Variants in OGFOD1 observed in about 807,000 individuals in gnomAD.
OGFOD1 encodes the protein prolyl 3-hydroxylase OGFOD1.
Under a neutral mutation model 67.7 loss-of-function variants are expected in OGFOD1, and 54 were observed. The ratio of observed to expected loss-of-function variants is 0.80; its 90% CI spans 0.64 to 1.00. The LOEUF (loss-of-function observed/expected upper bound fraction) is 1.00. Among genes scored for constraint, OGFOD1 ranks in the 50% least tolerant of loss-of-function variants. The pLI, the probability that OGFOD1 is intolerant of heterozygous loss-of-function variation, is 0.00. For missense variants in OGFOD1, 606 were observed against 646.7 expected, an observed-to-expected ratio of 0.94 and a Z score of 0.68; for synonymous variants, 221 against 227.0, an observed-to-expected ratio of 0.97 and a Z score of 0.24.
Position 56,456,048 on chromosome 16 carries a change from G to A in OGFOD1, c.301-2500G>A, listed in dbSNP as rs79197051. Among the ~76,000 whole-genome samples the A allele has an allele frequency of 1.2e-4, 18 of 152,216 alleles. No individual in the cohort carries two copies. In the East Asian group the frequency reaches 3.3e-3, roughly 28 times the overall value. The stretch of plus-strand genomic sequence containing the variant: ...GTAAGCCCATTTTAATCAGGCTTTC[G>A]CTTGTACTACTGCACTGAAACTACA... On this transcript the variant is annotated intron_variant, in intron 2 of 12. Coordinates refer to ENST00000566157, the MANE Select transcript of OGFOD1 (RefSeq NM_018233.4).
chr16:56,453,192 C>A, intron 1 of OGFOD1, 71 bp from the exon 2 acceptor site: 2 of 1,478,584 alleles, frequency 1.4e-6, no homozygotes, highest in Non-Finnish European at 1.8e-6. Context: ...TTTGTATTAG[C>A]TCTGCTATGT....
chr16:56,466,647 C>CT (rs1451151220), intron 5 of OGFOD1, among the ~76,000 whole-genome samples: 1 of 152,160 alleles, frequency 6.6e-6, no homozygotes, highest in Admixed American at 6.5e-5. Context: ...CTCCAGGAAA[C>CT]TTTGAGAACT....
intron 7 of OGFOD1, 116 bp from the exon 8 acceptor site, chr16:56,467,789 A>G (rs1285012135): frequency 4.2e-5 from 29 of 685,856 alleles, no homozygotes; most frequent in Non-Finnish European, 1.6e-5. Flanking sequence ...CAGTACTTTA[A>G]TAGGAGAAAC....
At position 56,458,554 on chromosome 16, in the gene OGFOD1, G is replaced by A. The variant is rs775255881; in HGVS notation, c.307G>A (p.Asp103Asn). Residue 103 changes from aspartate (D) to asparagine (N), a missense_variant, in exon 3 of 13, where the codon GAT (aspartate) becomes AAT (asparagine). By Grantham distance (23) the Asp-to-Asn change is conservative. Transcript: ENST00000566157. Reference protein sequence around the residue: ...NDLYKFQQSDDLKKRREPHIS... With the variant: ...NDLYKFQQSDNLKKRREPHIS... Reference sequence around the variant, plus strand: ...CTCTATTTTCATGATCAAGTCTGATGATTTGAAGAAGAGAAGAGAGCCTCA... The same window carrying A: ...CTCTATTTTCATGATCAAGTCTGATAATTTGAAGAAGAGAAGAGAGCCTCA... 6.2e-7 allele frequency: 1 copy of A among 1,613,376 alleles called. No individual in the cohort carries two copies. Among genetic ancestry groups the A allele is most frequent in the Non-Finnish European group, 8.5e-7 (1 of 1,179,376 alleles).
intron 3 of OGFOD1, among the ~76,000 whole-genome samples, chr16:56,460,307 G>A (rs1962671713): frequency 6.6e-6 from 1 of 152,190 alleles, no homozygotes; most frequent in Admixed American, 6.5e-5. Context: ...TGGATTCTGT[G>A]AGTTCCTTCA....
chr16:56,469,347 C>CA (rs1963042932), intron 8 of OGFOD1, among the ~76,000 whole-genome samples: 1 of 152,162 alleles, frequency 6.6e-6, no homozygotes, highest in African/African-American at 2.4e-5. Context: ...TTTTTATCCT[C>CA]AAAACATCTT....
intron 3 of OGFOD1, among the ~76,000 whole-genome samples, chr16:56,459,899 T>C (rs879491325): frequency 6.6e-6 from 1 of 152,216 alleles, no homozygotes; most frequent in Non-Finnish European, 1.5e-5. Flanking sequence ...TAATAGTTTT[T>C]TACTTACATG....
chr16:56,468,939 A>G (rs746502827), intron 8 of OGFOD1, among the ~76,000 whole-genome samples: 11 of 152,206 alleles, frequency 7.2e-5, no homozygotes, highest in African/African-American at 1.7e-4. Context: ...TGTGGGTCCC[A>G]TGGAGCCATG....
rs780229604 is a variant in OGFOD1, at chr16:56,455,366, CA to C, written c.300+1971del. 5.2e-3 allele frequency among the ~76,000 whole-genome samples: 358 copies of C among 68,648 alleles called. 2 individuals carry two copies. The highest frequency in any genetic ancestry group is 0.014 in the African/African-American group (283 of 20,294). 45.0% of individuals were successfully genotyped at this position (68,648 alleles called of 152,430 possible). A position where few individuals can be genotyped will look rare whatever the true frequency, so the allele number is the denominator to read the frequency against. ...TGGGTGACAAAGTGAGACTCCACCT[CA>C]AAAAAAAAAAAACAAAACTGGAAGA... On this transcript the variant is annotated intron_variant, in intron 2 of 12. Transcript: ENST00000566157.
At chr16:56,462,480 T>A in intron 3 of OGFOD1, 54 bp from the exon 4 acceptor site, 1 of 1,096,782 alleles carries the variant, frequency 9.1e-7, no homozygotes, top group Non-Finnish European at 1.4e-6. Context: ...CAAACAGTTG[T>A]GACCTAGATC....
intron 10 of OGFOD1, among the ~76,000 whole-genome samples, chr16:56,474,317 C>CTTT (rs770427579): frequency 5.4e-5 from 7 of 130,070 alleles, no homozygotes; most frequent in Admixed American, 7.8e-5. Flanking sequence ...CAAAATTCAA[C>CTTT]TTTTTTTTTT....
At chr16:56,467,860 T>C in intron 7 of OGFOD1, 45 bp from the exon 8 acceptor site, 2 of 887,428 alleles carry the variant, frequency 2.3e-6, no homozygotes, top group Non-Finnish European at 3.9e-6. Context: ...GCAAAAGCAA[T>C]AGGAATTATT....
At position 56,475,990 on chromosome 16, in the gene OGFOD1, A is replaced by G. The variant is rs58713805; in HGVS notation, c.1468-54A>G. The G allele has an allele frequency of 2.7e-4, 411 of 1,494,866 alleles. No individual in the cohort carries two copies. The African/African-American group carries it at 5.5e-3, about 20-fold the overall frequency. 92.6% of individuals were successfully genotyped at this position (1,494,866 alleles called of 1,614,324 possible). ...CATCTGTTCCATGGTTAATCATCCAAGATTTGAGAATAAGTTCTGTGTTCT... is the reference window on the plus strand; with the variant it reads ...CATCTGTTCCATGGTTAATCATCCAGGATTTGAGAATAAGTTCTGTGTTCT... On this transcript the variant is annotated intron_variant, in intron 12 of 12. Transcript: ENST00000566157.
intron 2 of OGFOD1, chr16:56,454,701 C>G: frequency 2.8e-6 from 1 of 353,296 alleles, no homozygotes; most frequent in Non-Finnish European, 5.5e-6. Flanking sequence ...TTTTTTTTTG[C>G]ATTTTCCCAT....
intron 4 of OGFOD1, 51 bp downstream of exon 4, chr16:56,462,685 G>A (rs1962752874): frequency 1.9e-6 from 2 of 1,062,978 alleles, no homozygotes; most frequent in Non-Finnish European, 2.9e-6. Flanking sequence ...CTTTAACTCA[G>A]CATTAATGGA....
chr16:56,465,437 G>C (rs1962863121), intron 4 of OGFOD1, among the ~76,000 whole-genome samples: 1 of 152,142 alleles, frequency 6.6e-6, no homozygotes, highest in African/African-American at 2.4e-5. Flanking sequence ...TTCTTGAACA[G>C]TGAGAAACCT....
Position 56,477,931 on chromosome 16 carries a change from G to A in OGFOD1, c.*1726G>A, listed in dbSNP as rs1441139867. The A allele has an allele frequency of 6.6e-6, 1 of 152,102 alleles. No homozygotes were observed. The highest frequency in any genetic ancestry group is 1.9e-4 in the East Asian group (1 of 5,198). The allele number at this position is 152,102 out of a possible 1,614,324, so 9.4% of individuals were successfully genotyped here. ...TGGCTTTTAGGTTTAGTTTCAAAAA[G>A]GTTTAATTCTGCACCCTAGCCAGTT... On this transcript the variant is annotated 3_prime_UTR_variant, in exon 13 of 13. Transcript: ENST00000566157.
chr16:56,472,421 A>G (rs1963241971), intron 10 of OGFOD1, among the ~76,000 whole-genome samples: 1 of 152,214 alleles, frequency 6.6e-6, no homozygotes, highest in African/African-American at 2.4e-5. Context: ...AGAGTAGGGA[A>G]TACAAAAGTG....
At chr16:56,470,860 A>G in intron 10 of OGFOD1, 69 bp downstream of exon 10, 7 of 1,414,590 alleles carry the variant, frequency 4.9e-6, no homozygotes, top group East Asian at 2.5e-5. Flanking sequence ...TATTCATTCA[A>G]CAAACATTTA....
Sources: allele counts gnomAD v4.1 joint callset (sites outside exome capture counted in the v4.1 genomes callset), GRCh38; gene constraint gnomAD v4.1.1; transcripts MANE v1.5; gene names NCBI Gene and HGNC (gene_info 2026-07-23, HGNC 2026-07-21).